Variants in TOM1L2 observed in about 807,000 individuals in gnomAD.
The protein encoded by TOM1L2 is target of myb1 like 2 membrane trafficking protein.
Under a neutral mutation model 67.9 loss-of-function variants are expected in TOM1L2, and 31 were observed. The observed-to-expected ratio is 0.46, with a 90% CI of 0.34 to 0.62. TOM1L2 has a LOEUF of 0.62. Ranked by LOEUF, TOM1L2 falls within the 20% of genes least tolerant of loss-of-function variation. TOM1L2 has a pLI of 0.01. For missense variants in TOM1L2, 606 were observed against 663.5 expected, an observed-to-expected ratio of 0.91 and a Z score of 0.95; for synonymous variants, 256 against 254.0, an observed-to-expected ratio of 1.01 and a Z score of -0.07.
chr17:17,969,439 C>G (rs976705010), intron 1 of TOM1L2, among the ~76,000 whole-genome samples: 1 of 152,060 alleles, frequency 6.6e-6, no homozygotes, highest in Non-Finnish European at 1.5e-5. Context: ...CCCCCACCCC[C>G]GCACATTCTT....
chr17:17,916,451 G>T (rs768903930), intron 1 of TOM1L2, among the ~76,000 whole-genome samples: 1 of 152,070 alleles, frequency 6.6e-6, no homozygotes, highest in Admixed American at 6.6e-5. Flanking sequence ...TTTGCATATG[G>T]TATAAGATAA....
At chr17:17,866,480 A>G (rs2036856761) in intron 9 of TOM1L2, 61 bp from the exon 10 acceptor site, 2 of 1,507,654 alleles carry the variant, frequency 1.3e-6, no homozygotes, top group African/African-American at 2.8e-5. Flanking sequence ...CTGAGGTAGA[A>G]GCTGGCAAGG....
chr17:17,875,273 A>G (rs1488861327), intron 7 of TOM1L2, among the ~76,000 whole-genome samples: 1 of 151,812 alleles, frequency 6.6e-6, no homozygotes, highest in East Asian at 1.9e-4. Context: ...AAAAAAGAAA[A>G]AAAAAAAAAA....
At chr17:17,944,694 C>G (rs773730802) in intron 1 of TOM1L2, among the ~76,000 whole-genome samples, 5 of 152,248 alleles carry the variant, frequency 3.3e-5, no homozygotes, top group African/African-American at 4.8e-5. Context: ...AAACCAACGT[C>G]TCCTACAAGG....
chr17:17,942,052 C>A (rs2040757093), intron 1 of TOM1L2, among the ~76,000 whole-genome samples: 1 of 152,212 alleles, frequency 6.6e-6, no homozygotes, highest in Non-Finnish European at 1.5e-5. Context: ...GTTCTCTCTA[C>A]TTCTCTCCAT....
intron 6 of TOM1L2, among the ~76,000 whole-genome samples, chr17:17,880,177 G>C (rs189815724): frequency 1.4e-4 from 22 of 152,290 alleles, no homozygotes; most frequent in Admixed American, 3.9e-4. Flanking sequence ...ATTCTACAAA[G>C]CTCTGAGTTA....
chr17:17,885,944 A>AT (rs1486480869), intron 4 of TOM1L2, among the ~76,000 whole-genome samples: 1 of 151,700 alleles, frequency 6.6e-6, no homozygotes, highest in Non-Finnish European at 1.5e-5. Flanking sequence ...AAAAAAAAAA[A>AT]AAAAATTCTG....
At chr17:17,884,981 G>A (rs1255959943) in intron 4 of TOM1L2, among the ~76,000 whole-genome samples, 1 of 152,246 alleles carries the variant, frequency 6.6e-6, no homozygotes, top group African/African-American at 2.4e-5. Flanking sequence ...TGCTGAGCGT[G>A]AACAAAAACA....
intron 7 of TOM1L2, among the ~76,000 whole-genome samples, chr17:17,875,068 C>A (rs2037353433): frequency 6.6e-6 from 1 of 152,004 alleles, no homozygotes; most frequent in African/African-American, 2.4e-5. Context: ...ACCAGACTGG[C>A]CAACATGGTG....
chr17:17,934,125 A>G (rs1468182302), intron 1 of TOM1L2, among the ~76,000 whole-genome samples: 1 of 152,256 alleles, frequency 6.6e-6, no homozygotes, highest in African/African-American at 2.4e-5. Flanking sequence ...TATTAAAAGT[A>G]TGTACAGTTT....
chr17:17,894,372 C>T (rs1432434363), intron 3 of TOM1L2, among the ~76,000 whole-genome samples: 3 of 152,232 alleles, frequency 2.0e-5, no homozygotes, highest in Admixed American at 6.5e-5. Flanking sequence ...ACCTCAGCTG[C>T]CAGGTGACTT....
Position 17,866,270 on chromosome 17 carries a change from C to A in TOM1L2, c.1084+26G>T, listed in dbSNP as rs996536183. The A allele has an allele frequency of 1.9e-6, 3 of 1,601,802 alleles. No individual in the cohort carries two copies. The African/African-American group carries it at 4.0e-5, about 22-fold the overall frequency. Reference sequence around the variant, plus strand: ...AGGCCAGTGGTAGGAAGTAGGTAGGCCCTTTTGTCCCTGTGAGACACTCAC... The same window carrying A: ...AGGCCAGTGGTAGGAAGTAGGTAGGACCTTTTGTCCCTGTGAGACACTCAC... On this transcript the variant is annotated intron_variant, in intron 10 of 14. Transcript: ENST00000379504.
intron 1 of TOM1L2, among the ~76,000 whole-genome samples, chr17:17,970,078 A>T (rs1568416709): frequency 6.6e-6 from 1 of 152,058 alleles, no homozygotes; most frequent in Non-Finnish European, 1.5e-5. Context: ...TTTTTGAGAC[A>T]GAGTCTCACT....
intron 1 of TOM1L2, among the ~76,000 whole-genome samples, chr17:17,907,833 G>A (rs1169881474): frequency 6.6e-6 from 1 of 152,202 alleles, no homozygotes; most frequent in African/African-American, 2.4e-5. Context: ...GTAGAGTCTG[G>A]AGCCAAACTA....
chr17:17,884,916 C>T (rs2037918823), intron 4 of TOM1L2, 148 bp from the exon 5 acceptor site: 2 of 1,038,802 alleles, frequency 1.9e-6, no homozygotes, highest in Admixed American at 4.9e-5. Context: ...CTGTTCCTCT[C>T]CTTCCGCAAC....
rs754760541 is a variant in TOM1L2 at position 17,861,460 on chromosome 17, A to T, written c.1278+16T>A. ...TCCAGAAGACTCCAGGCAGAAAAAC[A>T]GGGTTAAAGACCTACCCCTTCTGAA... On this transcript the variant is annotated intron_variant, in intron 12 of 14. Coordinates refer to ENST00000379504, the MANE Select transcript of TOM1L2 (RefSeq NM_001082968.2). The T allele has an allele frequency of 5.0e-6, 8 of 1,611,846 alleles. No individual in the cohort carries two copies. Among genetic ancestry groups the T allele is most frequent in the Admixed American group, 1.7e-5 (1 of 59,834 alleles).
intron 1 of TOM1L2, among the ~76,000 whole-genome samples, chr17:17,916,359 C>T (rs2039630153): frequency 6.6e-6 from 1 of 152,206 alleles, no homozygotes; most frequent in Non-Finnish European, 1.5e-5. Context: ...AGGCATGAAT[C>T]ACCGCGCCCG....
chr17:17,899,709 G>A (rs748919013), intron 2 of TOM1L2, among the ~76,000 whole-genome samples: 7 of 152,204 alleles, frequency 4.6e-5, no homozygotes, highest in Non-Finnish European at 8.8e-5. Flanking sequence ...GTGGGCCAGC[G>A]CTTTGCAATC....
chr17:17,937,327 T>C (rs1280452161), intron 1 of TOM1L2, among the ~76,000 whole-genome samples: 2 of 152,200 alleles, frequency 1.3e-5, no homozygotes, highest in Non-Finnish European at 2.9e-5. Context: ...TTATCTTTGA[T>C]CAGAGTCAAC....
Sources: allele counts gnomAD v4.1 joint callset (sites outside exome capture counted in the v4.1 genomes callset), GRCh38; gene constraint gnomAD v4.1.1; transcripts MANE v1.5; gene names NCBI Gene and HGNC (gene_info 2026-07-23, HGNC 2026-07-21).